The following HTR4 variants were observed in gnomAD, a reference collection of about 807,000 sequenced individuals.
HTR4 encodes 5-hydroxytryptamine (serotonin) receptor 4, G protein-coupled.
HTR4 carries 16 observed loss-of-function variants against 36.8 expected under a neutral mutation model. That is an observed-to-expected ratio of 0.43 (90% confidence interval 0.29 to 0.66). The LOEUF is 0.66. Ranked by LOEUF, HTR4 falls within the 30% of genes least tolerant of loss-of-function variation. The pLI is 0.13. For missense variants in HTR4, 438 were observed against 490.9 expected, an observed-to-expected ratio of 0.89 and a Z score of 1.02; for synonymous variants, 189 against 185.1, an observed-to-expected ratio of 1.02 and a Z score of -0.17.
chr5:148,604,566 A>G (rs1752064116), intron 2 of HTR4, among the ~76,000 whole-genome samples: 2 of 152,248 alleles, frequency 1.3e-5, no homozygotes, highest in Admixed American at 6.5e-5. Flanking sequence ...AAACTTGTAT[A>G]GCACTCAGTG....
chr5:148,457,872 T>A (rs1242561734), intron 5 of HTR4, among the ~76,000 whole-genome samples: 1 of 139,492 alleles, frequency 7.2e-6, no homozygotes, highest in African/African-American at 2.7e-5. Context: ...TTTTGATATA[T>A]CATTAAAATA....
intron 2 of HTR4, among the ~76,000 whole-genome samples, chr5:148,576,185 G>A (rs1760911623): frequency 1.4e-5 from 2 of 139,624 alleles, no homozygotes; most frequent in African/African-American, 2.7e-5. Flanking sequence ...CAACAGCCAC[G>A]CCGAGAGCCA....
intron 2 of HTR4, among the ~76,000 whole-genome samples, chr5:148,567,576 T>A (rs1760497238): frequency 6.6e-6 from 1 of 152,054 alleles, no homozygotes; most frequent in African/African-American, 2.4e-5. Context: ...TTGATCTCGA[T>A]TTCCACCAGT....
chr5:148,569,363 G>A (rs1561625246), intron 2 of HTR4, among the ~76,000 whole-genome samples: 3 of 152,082 alleles, frequency 2.0e-5, no homozygotes, highest in African/African-American at 2.4e-5. Flanking sequence ...TTTGGGGGAC[G>A]GGGAGAAGGG....
chr5:148,484,245 G>C, intron 6 of HTR4: 5 of 1,609,500 alleles, frequency 3.1e-6, no homozygotes, highest in Non-Finnish European at 4.2e-6. Context: ...AGATAAAACA[G>C]AGAATCATAG....
chr5:148,473,645 C>T (rs1255824799), downstream of HTR4, among the ~76,000 whole-genome samples: 1 of 151,976 alleles, frequency 6.6e-6, no homozygotes, highest in Non-Finnish European at 1.5e-5. Flanking sequence ...TGTTCAGTGG[C>T]CATTGAACAA....
chr5:148,564,567 TC>T (rs1286689419), intron 2 of HTR4, among the ~76,000 whole-genome samples: 1 of 152,148 alleles, frequency 6.6e-6, no homozygotes, highest in Non-Finnish European at 1.5e-5. Flanking sequence ...CAAAGGGATT[TC>T]CCCCTTCATT....
Position 148,491,856 on chromosome 5 carries a change from C to T in HTR4, c.1077-8563G>A, listed in dbSNP as rs111469346. Among the ~76,000 whole-genome samples, 540 of 152,256 alleles carry T rather than the reference C, an allele frequency of 3.5e-3. 1 individual carries two copies. Among genetic ancestry groups the T allele is most frequent in the African/African-American group, 0.012 (479 of 41,510 alleles). ...CAGGCCTCCTGCTCTTTCCAGGACA[C>T]CAGCGGTTGTTAACCCTGCTGCGCA... On this transcript the variant is annotated intron_variant, in intron 6 of 6. Transcript: ENST00000377888.
At chr5:148,617,463 C>G (rs1031683364) in intron 2 of HTR4, among the ~76,000 whole-genome samples, 2 of 134,688 alleles carry the variant, frequency 1.5e-5, no homozygotes, top group Non-Finnish European at 3.4e-5. Context: ...AAGTCTCTCT[C>G]TTTTGTTTTT....
chr5:148,644,421 AGTTTTTTTTT>A (rs1346599771), intron 1 of HTR4, among the ~76,000 whole-genome samples: 1,002 of 85,818 alleles, frequency 0.012, 24 homozygotes, highest in African/African-American at 0.043. Flanking sequence ...CAAGCTCACA[AGTTTTTTTTT>A]TTTTTTTTTT....
At chr5:148,653,528 C>T (rs1459539679) in intron 1 of HTR4, among the ~76,000 whole-genome samples, 8 of 152,080 alleles carry the variant, frequency 5.3e-5, no homozygotes, top group Admixed American at 4.6e-4. Context: ...TGCAGCACAT[C>T]GTACCCACAC....
Position 148,625,843 on chromosome 5 carries a change from T to G in HTR4, c.26+11146A>C, listed in dbSNP as rs189232819. The stretch of plus-strand genomic sequence containing the variant: ...ATCCACCCACCTTGGCCTCCCAAAG[T>G]GCTGGGATTACAGGTGTGAGCCACC... On this transcript the variant is annotated intron_variant, in intron 2 of 6. Transcript: ENST00000377888. Among the ~76,000 whole-genome samples the G allele has an allele frequency of 2.0e-3, 310 of 152,170 alleles. 4 individuals are homozygous for G. Among genetic ancestry groups the G allele is most frequent in the African/African-American group, 6.9e-3 (286 of 41,524 alleles).
chr5:148,523,439 G>A (rs1758119938), intron 4 of HTR4, 93 bp from the exon 5 acceptor site: 1 of 978,844 alleles, frequency 1.0e-6, no homozygotes, highest in Non-Finnish European at 1.5e-6. Flanking sequence ...AGGGGAGGAA[G>A]AGGGGATGGA....
intron 5 of HTR4, among the ~76,000 whole-genome samples, chr5:148,462,482 T>C (rs185867253): frequency 6.6e-6 from 1 of 151,922 alleles, no homozygotes; most frequent in South Asian, 2.1e-4. Context: ...ATAGACAATA[T>C]GAATAAGCTT....
At chr5:148,512,848 T>G (rs1757561274) in intron 5 of HTR4, among the ~76,000 whole-genome samples, 2 of 152,044 alleles carry the variant, frequency 1.3e-5, no homozygotes. Context: ...CTAGAATCGC[T>G]TGAACCCGGG....
At chr5:148,453,322 C>G (rs1324569966) in intron 5 of HTR4, among the ~76,000 whole-genome samples, 1 of 152,182 alleles carries the variant, frequency 6.6e-6, no homozygotes, top group East Asian at 1.9e-4. Context: ...ATTATTTTAT[C>G]TATTTTCTCA....
intron 2 of HTR4, among the ~76,000 whole-genome samples, chr5:148,553,448 G>T (rs77156976): frequency 0.011 from 1,712 of 152,306 alleles, 44 homozygotes; most frequent in African/African-American, 0.04. Context: ...CAGAGGTGCT[G>T]ATTTAATTGG....
At chr5:148,592,536 C>T (rs1407611816) in intron 2 of HTR4, among the ~76,000 whole-genome samples, 1 of 152,092 alleles carries the variant, frequency 6.6e-6, no homozygotes, top group Admixed American at 6.6e-5. Context: ...TAAGCAGACT[C>T]TTCCCTCTAA....
At chr5:148,520,963 C>T (rs267600480) in intron 5 of HTR4, 1 of 1,367,784 alleles carries the variant, frequency 7.3e-7, no homozygotes, top group Non-Finnish European at 9.8e-7. Context: ...AGACTCCTTT[C>T]CTTGAAAAAG....
Sources: allele counts gnomAD v4.1 joint callset (sites outside exome capture counted in the v4.1 genomes callset), GRCh38; gene constraint gnomAD v4.1.1; transcripts MANE v1.5; gene names NCBI Gene and HGNC (gene_info 2026-07-23, HGNC 2026-07-21).